Variants in KIDINS220 observed in about 807,000 individuals in gnomAD.
The protein encoded by KIDINS220 is kinase D interacting substrate 220.
A neutral mutation model predicts 157.6 loss-of-function variants in KIDINS220; 63 were observed. That is an observed-to-expected ratio of 0.40 (90% CI 0.33 to 0.49). KIDINS220 has a LOEUF of 0.49. Among genes scored for constraint, KIDINS220 ranks in the 20% least tolerant of loss-of-function variants. The pLI is 0.66. For synonymous variants in KIDINS220, 732 were observed against 783.6 expected (o/e 0.93, Z 1.10); for missense variants, 1,772 against 2,171.2 (o/e 0.82, Z 3.65).
intron 22 of KIDINS220, among the ~76,000 whole-genome samples, chr2:8,766,311 T>C (rs1015616188): frequency 6.6e-6 from 1 of 152,208 alleles, no homozygotes; most frequent in African/African-American, 2.4e-5. Context: ...AAATGCTTTC[T>C]CAGATACCTG....
At chr2:8,807,098 C>A (rs1428040497) in intron 6 of KIDINS220, among the ~76,000 whole-genome samples, 1 of 152,164 alleles carries the variant, frequency 6.6e-6, no homozygotes, top group Non-Finnish European at 1.5e-5. Context: ...ATCGTAAGAA[C>A]AATTCACAGT....
chr2:8,779,077 G>C lies in KIDINS220; in HGVS notation c.2433C>G (p.Ile811Met). ...IAIFASDPHI[I>M]IKAINQNLNS... ...TGAGGTTCTGGTTAATTGCCTTTAT[G>C]ATAATATGTGGATCACTTGCAAAAA... is the stretch of plus-strand genomic sequence containing the variant. Residue 811 changes from isoleucine to methionine, a missense_variant, in exon 19 of 30, where the codon ATC (isoleucine) becomes ATG (methionine). By Grantham distance (10) the Ile-to-Met change is conservative. Around this residue, in one of 3 missense-constraint regions of KIDINS220, gnomAD observed 725 missense variants for 1,017.1 expected, o/e 0.71. Transcript: ENST00000256707. The C allele has an allele frequency of 1.2e-6, 2 of 1,614,026 alleles. No homozygotes were observed. Among genetic ancestry groups the C allele is most frequent in the Non-Finnish European group, 1.7e-6 (2 of 1,180,006 alleles).
chr2:8,751,405 T>C, intron 23 of KIDINS220, 61 bp downstream of exon 23: 2 of 1,403,918 alleles, frequency 1.4e-6, no homozygotes, highest in Non-Finnish European at 2.0e-6. Context: ...ACAAATAAGT[T>C]AGAAACATGA....
intron 22 of KIDINS220, among the ~76,000 whole-genome samples, chr2:8,753,797 T>A (rs1006342427): frequency 6.6e-6 from 1 of 152,138 alleles, no homozygotes; most frequent in Non-Finnish European, 1.5e-5. Flanking sequence ...TTGAAAGTCA[T>A]CTAAGGGAAA....
At chr2:8,732,519 T>C (rs1664266110) in intron 29 of KIDINS220, among the ~76,000 whole-genome samples, 1 of 152,214 alleles carries the variant, frequency 6.6e-6, no homozygotes, top group Non-Finnish European at 1.5e-5. Context: ...AAAAATAAAG[T>C]AGTTTTACAA....
chr2:8,798,823 A>G (rs116430448), intron 9 of KIDINS220, among the ~76,000 whole-genome samples: 257 of 152,310 alleles, frequency 1.7e-3, no homozygotes, highest in Middle Eastern at 3.4e-3. Context: ...CCAAAAATCA[A>G]TCCACACAGA....
At chr2:8,734,606 G>T in intron 28 of KIDINS220, 49 bp downstream of exon 28, 1 of 1,261,006 alleles carries the variant, frequency 7.9e-7, no homozygotes, top group Non-Finnish European at 1.1e-6. Flanking sequence ...AATTTTGAAT[G>T]TTATCATAAA....
chr2:8,769,571 AT>A (rs1272790849), intron 22 of KIDINS220, among the ~76,000 whole-genome samples: 3 of 152,222 alleles, frequency 2.0e-5, no homozygotes, highest in African/African-American at 7.2e-5. Flanking sequence ...CATGCGAAAA[AT>A]AAACCTCATT....
rs1672973671 is a variant in KIDINS220 at position 8,789,990 on chromosome 2, A to G, written c.1511T>C (p.Leu504Pro). Residue 504 changes from leucine (L) to proline (P), a missense_variant, in exon 14 of 30, where the codon CTT (leucine) becomes CCT (proline). Around this residue, in one of 3 missense-constraint regions of KIDINS220, gnomAD observed 725 missense variants for 1,017.1 expected, o/e 0.71. Transcript: ENST00000256707. ...AAGCCCTCCACAAAGTAGCAGGGTA[A>G]GAAACACTATGAGCCATGAGAACTG... ...LFQFSWLIVF[L>P]TLLLCGGLGL... is the part of the protein sequence containing the mutation. 5 of 1,613,618 alleles carry G rather than the reference A, an allele frequency of 3.1e-6. No individual in the cohort carries two copies. Among genetic ancestry groups the G allele is most frequent in the Non-Finnish European group, 4.2e-6 (5 of 1,179,942 alleles).
chr2:8,827,291 T>C (rs899693270), intron 1 of KIDINS220, among the ~76,000 whole-genome samples, 162 bp from the exon 2 acceptor site: 2 of 152,140 alleles, frequency 1.3e-5, no homozygotes, highest in Admixed American at 6.6e-5. Context: ...GTCAAAAAGC[T>C]GCCGTGATGT....
At chr2:8,791,662 A>C (rs1330306511) in intron 12 of KIDINS220, among the ~76,000 whole-genome samples, 4 of 152,198 alleles carry the variant, frequency 2.6e-5, no homozygotes, top group African/African-American at 9.6e-5. Flanking sequence ...TGATTAACAC[A>C]AATAAGCATA....
Position 8,785,749 on chromosome 2 carries a change from A to G in KIDINS220, c.2221T>C (p.Phe741Leu). 6.2e-7 allele frequency: 1 copy of G among 1,607,006 alleles called. No homozygotes were observed. The highest frequency in any genetic ancestry group is 8.5e-7 in the Non-Finnish European group (1 of 1,178,070). ...SKLHKLKSEGFMKVLKCEVEL... is the reference protein window; with the variant it reads ...SKLHKLKSEGLMKVLKCEVEL... ...AACCAATGAGTGCTTACTTTCATGAATCCTTCACTTTTCAATTTGTGCAGT... is the reference window on the plus strand; with the variant it reads ...AACCAATGAGTGCTTACTTTCATGAGTCCTTCACTTTTCAATTTGTGCAGT... Residue 741 changes from phenylalanine to leucine, a missense_variant, in exon 17 of 30, where the codon TTC (phenylalanine) becomes CTC (leucine). Phe to Leu is a conservative substitution (Grantham distance 22). Around this residue, in one of 3 missense-constraint regions of KIDINS220, gnomAD observed 725 missense variants for 1,017.1 expected, o/e 0.71. Transcript: ENST00000256707.
chr2:8,808,873 A>G (rs1675883652), intron 6 of KIDINS220, among the ~76,000 whole-genome samples: 1 of 152,166 alleles, frequency 6.6e-6, no homozygotes, highest in Non-Finnish European at 1.5e-5. Context: ...TCTTTCTTTT[A>G]AGCTTTTCAA....
At position 8,827,006 on chromosome 2, in the gene KIDINS220, C is replaced by G. The variant is rs760706988; in HGVS notation, c.88G>C (p.Asp30His). 6.2e-7 allele frequency: 1 copy of G among 1,607,352 alleles called. No homozygotes were observed. The highest frequency in any genetic ancestry group is 2.2e-5 in the East Asian group (1 of 44,710). ...CTTACCTCATTTCTCTCATCTACAT[C>G]TTTGCATTTTTCAAGAAGAGCTTTC... ...ALKALLEKCKDVDERNECGQT... is the reference protein window; with the variant it reads ...ALKALLEKCKHVDERNECGQT... The change falls in exon 2 of 30, where the codon GAT becomes CAT. Residue 30 changes from aspartate (D) to histidine (H), a missense_variant. Transcript: ENST00000256707.
At chr2:8,826,398 C>T (rs908077698) in intron 2 of KIDINS220, among the ~76,000 whole-genome samples, 2 of 152,054 alleles carry the variant, frequency 1.3e-5, no homozygotes, top group African/African-American at 4.8e-5. Context: ...CAACTGAGGT[C>T]GGGAGTTCAA....
At chr2:8,813,385 A>C (rs1341378811) in intron 4 of KIDINS220, 50 bp from the exon 5 acceptor site, 1 of 1,249,466 alleles carries the variant, frequency 8.0e-7, no homozygotes, top group Non-Finnish European at 1.1e-6. Context: ...ATCATCTCTG[A>C]GTATAAAAAA....
At chr2:8,763,146 G>A (rs1157559928) in intron 22 of KIDINS220, among the ~76,000 whole-genome samples, 1 of 152,148 alleles carries the variant, frequency 6.6e-6, no homozygotes, top group East Asian at 1.9e-4. Context: ...CTATATTTCT[G>A]GTATCTCAGA....
intron 20 of KIDINS220, among the ~76,000 whole-genome samples, chr2:8,777,216 T>C (rs1671087395): frequency 6.6e-6 from 1 of 152,218 alleles, no homozygotes; most frequent in Non-Finnish European, 1.5e-5. Flanking sequence ...TCAAACTCCA[T>C]GGGGTCTGGC....
At chr2:8,777,476 T>C (rs1037729911) in intron 20 of KIDINS220, among the ~76,000 whole-genome samples, 6 of 152,176 alleles carry the variant, frequency 3.9e-5, no homozygotes, top group African/African-American at 1.4e-4. Context: ...TGTGTTTATT[T>C]CTATTTTATG....
Sources: gnomAD v4.1 joint callset for allele counts (sites outside exome capture counted in the v4.1 genomes callset) on GRCh38, gnomAD v4.1.1 for gene constraint, gnomAD v4.1.1 regional missense constraint, MANE v1.5 for transcripts, NCBI Gene and HGNC (gene_info 2026-07-23, HGNC 2026-07-21) for gene names.